Variants in UBE3D observed in about 807,000 individuals in gnomAD.
UBE3D encodes the protein E3 ubiquitin-protein ligase E3D.
A neutral mutation model predicts 49.6 loss-of-function variants in UBE3D; 48 were observed. The observed-to-expected ratio is 0.97, with a 90% CI of 0.77 to 1.23. The LOEUF (loss-of-function observed/expected upper bound fraction) is 1.23. Ranked by LOEUF, UBE3D falls within the 50% of genes most tolerant of loss-of-function variation. UBE3D has a pLI of 0.00. For missense variants in UBE3D, 452 were observed against 468.4 expected, an observed-to-expected ratio of 0.96 and a Z score of 0.32; for synonymous variants, 189 against 174.2, an observed-to-expected ratio of 1.08 and a Z score of -0.67.
Position 83,023,986 on chromosome 6 carries a change from ACTC to A in UBE3D, c.717_719del (p.Arg239del), listed in dbSNP as rs749659237. The A allele has an allele frequency of 1.5e-5, 23 of 1,534,010 alleles. No individual in the cohort carries two copies. The Admixed American group carries it at 4.4e-4, about 30-fold the overall frequency. ...ATTTGTACCTTGGTATGATAGGAAAACTCCTCTCAGATGACTGAATAATTATCT... is the reference window on the plus strand; with the variant it reads ...ATTTGTACCTTGGTATGATAGGAAAACTCTCAGATGACTGAATAATTATCT... On this transcript the variant is annotated inframe_deletion, in exon 6 of 10. Transcript: ENST00000369747.
chr6:82,887,971 G>A (rs958849319), downstream of UBE3D, among the ~76,000 whole-genome samples: 1 of 152,072 alleles, frequency 6.6e-6, no homozygotes, highest in African/African-American at 2.4e-5. Flanking sequence ...AGGGGAAGAG[G>A]GTGTGGGAAA....
intron 5 of UBE3D, among the ~76,000 whole-genome samples, chr6:83,031,357 A>G (rs1370215865): frequency 3.9e-5 from 6 of 152,222 alleles, no homozygotes; most frequent in Non-Finnish European, 8.8e-5. Flanking sequence ...GTGACAGAGC[A>G]TAAAAGTTTG....
At chr6:82,893,113 T>A (rs962799401) in intron 9 of UBE3D, 71 bp from the exon 10 acceptor site, 35 of 1,572,576 alleles carry the variant, frequency 2.2e-5, no homozygotes, top group Non-Finnish European at 3.1e-5. Context: ...GTACATCAAA[T>A]CAGAATCAGG....
intron 3 of UBE3D, among the ~76,000 whole-genome samples, chr6:83,045,238 G>C (rs929295668): frequency 2.0e-5 from 3 of 151,718 alleles, no homozygotes; most frequent in African/African-American, 7.3e-5. Context: ...CACCTATTTG[G>C]TGAATTTCTT....
intron 9 of UBE3D, among the ~76,000 whole-genome samples, chr6:82,952,668 C>T (rs1308781655): frequency 3.3e-5 from 5 of 152,110 alleles, no homozygotes; most frequent in Non-Finnish European, 7.3e-5. Flanking sequence ...TAGTGATCCT[C>T]CTGCTTCAGC....
At chr6:82,907,364 T>A (rs1436226608) in intron 9 of UBE3D, among the ~76,000 whole-genome samples, 2 of 152,168 alleles carry the variant, frequency 1.3e-5, no homozygotes, top group Non-Finnish European at 2.9e-5. Flanking sequence ...CACAGGATGT[T>A]TGGAAATGGA....
At chr6:82,936,794 T>A (rs1413222988) in intron 9 of UBE3D, among the ~76,000 whole-genome samples, 1 of 152,188 alleles carries the variant, frequency 6.6e-6, no homozygotes, top group African/African-American at 2.4e-5. Context: ...AATGTGCTAA[T>A]CTCAGAGAAG....
the UBE3D span, among the ~76,000 whole-genome samples, chr6:82,885,031 A>T: frequency 6.6e-6 from 1 of 152,162 alleles, no homozygotes; most frequent in Non-Finnish European, 1.5e-5. Context: ...GATCTCATTT[A>T]AAAATATCTG....
At chr6:82,914,147 G>C (rs966123756) in intron 9 of UBE3D, among the ~76,000 whole-genome samples, 7 of 152,084 alleles carry the variant, frequency 4.6e-5, no homozygotes, top group African/African-American at 1.7e-4. Context: ...AATGATGAAG[G>C]TATAGTGTGT....
intron 5 of UBE3D, among the ~76,000 whole-genome samples, chr6:83,024,433 C>T (rs1449889651): frequency 6.6e-6 from 1 of 152,066 alleles, no homozygotes; most frequent in African/African-American, 2.4e-5. Context: ...GTACTATTTT[C>T]CCAGATAAAG....
chr6:83,054,136 T>C lies in UBE3D; in HGVS notation c.365+12A>G. The C allele has an allele frequency of 1.2e-6, 2 of 1,605,896 alleles. No homozygotes were observed. The highest frequency in any genetic ancestry group is 1.7e-6 in the Non-Finnish European group (2 of 1,172,516). On this transcript the variant is annotated intron_variant, in intron 3 of 9. Transcript: ENST00000369747. The stretch of plus-strand genomic sequence containing the variant: ...AGGCACAGAATTAATCAGTGTTAAA[T>C]ATATTCCTTACCTGTCTTTTATTAT...
At chr6:82,973,088 C>T (rs111291540) in intron 8 of UBE3D, among the ~76,000 whole-genome samples, 243 of 152,148 alleles carry the variant, frequency 1.6e-3, no homozygotes, top group African/African-American at 5.6e-3. Flanking sequence ...AAGACAACAC[C>T]ACATTATAGT....
At chr6:82,923,815 A>G (rs1217855630) in intron 9 of UBE3D, among the ~76,000 whole-genome samples, 1 of 152,252 alleles carries the variant, frequency 6.6e-6, no homozygotes, top group Non-Finnish European at 1.5e-5. Context: ...CATGACCTTC[A>G]TATCATGACC....
At chr6:83,032,144 C>A (rs1035928991) in intron 5 of UBE3D, 3 of 454,440 alleles carry the variant, frequency 6.6e-6, no homozygotes, top group African/African-American at 6.0e-5. Context: ...ATCCTCCAGA[C>A]CCCAGAATGA....
chr6:82,906,645 G>T (rs563600368), intron 9 of UBE3D, among the ~76,000 whole-genome samples: 46 of 152,146 alleles, frequency 3.0e-4, no homozygotes, highest in Admixed American at 5.9e-4. Flanking sequence ...CACATCTGGA[G>T]ATTGCCTTAC....
chr6:82,931,869 C>T (rs1774181274), intron 9 of UBE3D, among the ~76,000 whole-genome samples: 1 of 152,086 alleles, frequency 6.6e-6, no homozygotes, highest in Non-Finnish European at 1.5e-5. Context: ...AAGATATAGT[C>T]TGGCTGTGTC....
At chr6:82,913,600 TAGATAC>T (rs1772689526) in intron 9 of UBE3D, among the ~76,000 whole-genome samples, 1 of 152,184 alleles carries the variant, frequency 6.6e-6, no homozygotes, top group African/African-American at 2.4e-5. Flanking sequence ...CAAACTTATT[TAGATAC>T]AGTTTAACTC....
intron 9 of UBE3D, among the ~76,000 whole-genome samples, chr6:82,940,705 C>T (rs970151901): frequency 6.6e-6 from 1 of 152,128 alleles, no homozygotes; most frequent in African/African-American, 2.4e-5. Context: ...CAGTTAATAA[C>T]AGGACCCTGA....
chr6:82,955,449 G>A (rs1488286646), intron 9 of UBE3D, among the ~76,000 whole-genome samples: 1 of 152,042 alleles, frequency 6.6e-6, no homozygotes, highest in Non-Finnish European at 1.5e-5. Context: ...GGGAAGGAGT[G>A]AAATATAAAA....
Sources: gnomAD v4.1 joint callset for allele counts (sites outside exome capture counted in the v4.1 genomes callset) on GRCh38, gnomAD v4.1.1 for gene constraint, MANE v1.5 for transcripts, NCBI Gene and HGNC (gene_info 2026-07-23, HGNC 2026-07-21) for gene names.